Variants in FER1L6 observed in about 807,000 individuals in gnomAD.
FER1L6 encodes the protein fer-1-like protein 6.
FER1L6 carries 177 observed loss-of-function variants against 219.2 expected under a neutral mutation model. The observed-to-expected ratio is 0.81, with a 90% CI of 0.71 to 0.91. The LOEUF (loss-of-function observed/expected upper bound fraction) is 0.91, where lower values mean the gene tolerates loss of function less well. FER1L6 is among the 40% of genes least tolerant of loss of function. The pLI, the probability that FER1L6 is intolerant of heterozygous loss-of-function variation, is 0.00. For missense variants in FER1L6, 2,153 were observed against 2,259.9 expected (o/e 0.95, Z 0.96); for synonymous variants, 768 against 824.3 (o/e 0.93, Z 1.17).
intron 18 of FER1L6, among the ~76,000 whole-genome samples, chr8:124,033,344 C>T (rs568164694): frequency 2.6e-5 from 4 of 152,144 alleles, no homozygotes; most frequent in South Asian, 4.2e-4. Flanking sequence ...GCTTTCAATA[C>T]GTATTAATTT....
chr8:124,101,453 CA>C, intron 38 of FER1L6, 115 bp downstream of exon 38: 2 of 957,000 alleles, frequency 2.1e-6, no homozygotes, highest in Non-Finnish European at 3.0e-6. Flanking sequence ...TCTATGATAG[CA>C]AAAACCTGGA....
intron 17 of FER1L6, among the ~76,000 whole-genome samples, chr8:124,023,072 C>T (rs997371301): frequency 3.2e-4 from 49 of 152,116 alleles, no homozygotes; most frequent in African/African-American, 1.0e-3. Flanking sequence ...AGTGTCACTA[C>T]GCCCAGCTAA....
chr8:123,921,294 G>A (rs547593302), intron 1 of FER1L6, among the ~76,000 whole-genome samples: 25 of 152,198 alleles, frequency 1.6e-4, no homozygotes, highest in African/African-American at 3.6e-4. Flanking sequence ...ACCATTTTAC[G>A]TTCCTGCCAA....
chr8:124,067,839 G>C, intron 28 of FER1L6, 33 bp downstream of exon 28: 1 of 1,576,478 alleles, frequency 6.3e-7, no homozygotes, highest in Admixed American at 1.7e-5. Context: ...TTTGTCCATA[G>C]AATAGGGCCA....
At position 123,941,485 on chromosome 8, in the gene FER1L6, C is replaced by T. The variant is rs552318668; in HGVS notation, c.-7-14507C>T. 2.0e-5 allele frequency among the ~76,000 whole-genome samples: 3 copies of T among 152,238 alleles called. No homozygotes were observed. In the South Asian group the frequency reaches 6.2e-4, roughly 32 times the overall value. ...AAGGTGGTGTGGCCAGAGCAAACCA[C>T]AGGGATGCAGTAGGAGAGGAAGCAG... On this transcript the variant is annotated intron_variant, in intron 1 of 40. Transcript: ENST00000522917.
intron 2 of FER1L6, among the ~76,000 whole-genome samples, chr8:123,959,155 C>T (rs1462521683): frequency 1.3e-5 from 2 of 152,082 alleles, no homozygotes; most frequent in Non-Finnish European, 2.9e-5. Context: ...AGCAGTAACT[C>T]AATAAATTAG....
chr8:123,914,888 A>G (rs975601605), intron 1 of FER1L6, among the ~76,000 whole-genome samples: 3 of 152,180 alleles, frequency 2.0e-5, no homozygotes, highest in African/African-American at 7.2e-5. Context: ...ATGAGTAAAT[A>G]CATCTTCACT....
At chr8:123,875,507 T>C (rs1816992572) in intron 1 of FER1L6, among the ~76,000 whole-genome samples, 1 of 152,190 alleles carries the variant, frequency 6.6e-6, no homozygotes, top group Admixed American at 6.5e-5. Context: ...TATTTATCCT[T>C]TAAAGGGGCT....
chr8:124,033,035 A>G (rs1157470865), intron 18 of FER1L6, among the ~76,000 whole-genome samples: 2 of 152,190 alleles, frequency 1.3e-5, no homozygotes, highest in African/African-American at 4.8e-5. Flanking sequence ...ATAACCTATG[A>G]TTTGGTGATA....
chr8:124,114,882 A>AGT (rs1384171506), intron 39 of FER1L6, among the ~76,000 whole-genome samples: 2 of 118,862 alleles, frequency 1.7e-5, no homozygotes, highest in African/African-American at 3.1e-5. Flanking sequence ...ATATATATGC[A>AGT]GTGTGTGTGT....
intron 6 of FER1L6, among the ~76,000 whole-genome samples, chr8:123,972,032 C>T (rs2130265460): frequency 6.6e-6 from 1 of 152,340 alleles, no homozygotes; most frequent in East Asian, 1.9e-4. Flanking sequence ...GAGAAGAGAA[C>T]TTGAAACTGG....
rs1477534192 is a variant in FER1L6, at chr8:123,852,599, C to T, written c.-8+414C>T. Among the ~76,000 whole-genome samples, 2 of 151,922 alleles carry T rather than the reference C, an allele frequency of 1.3e-5. No individual in the cohort carries two copies. The highest frequency in any genetic ancestry group is 4.8e-5 in the African/African-American group (2 of 41,346). ...GACAAAAAGCATGAGGAAGTTGCCT[C>T]AGGAACTCATAGAAAATGTGGGGCC... On this transcript the variant is annotated intron_variant, in intron 1 of 40. Coordinates refer to ENST00000522917, the MANE Select transcript of FER1L6 (RefSeq NM_001039112.2). The surrounding 1 kb of genome is among the most constrained non-coding windows in gnomAD (Gnocchi z 4.9).
chr8:123,959,874 C>G (rs536219204), intron 2 of FER1L6, among the ~76,000 whole-genome samples: 1 of 151,982 alleles, frequency 6.6e-6, no homozygotes, highest in South Asian at 2.1e-4. Flanking sequence ...TACTGAAGTT[C>G]CATATCAAGT....
At chr8:123,875,732 T>C (rs542171461) in intron 1 of FER1L6, among the ~76,000 whole-genome samples, 6 of 152,332 alleles carry the variant, frequency 3.9e-5, no homozygotes, top group African/African-American at 1.2e-4. Flanking sequence ...CCCATATTAA[T>C]AAATGACAAC....
intron 1 of FER1L6, among the ~76,000 whole-genome samples, chr8:123,920,878 T>A (rs1031354890): frequency 2.0e-5 from 3 of 152,198 alleles, no homozygotes; most frequent in African/African-American, 7.2e-5. Context: ...CCGTTCTACT[T>A]TCTGTTTCTC....
chr8:123,954,731 T>C (rs1814934605), intron 1 of FER1L6, among the ~76,000 whole-genome samples: 1 of 152,162 alleles, frequency 6.6e-6, no homozygotes, highest in African/African-American at 2.4e-5. Context: ...AGTCCAACTG[T>C]GGAGGCTGAT....
chr8:123,970,311 G>C (rs191223274), intron 6 of FER1L6, among the ~76,000 whole-genome samples: 1 of 152,214 alleles, frequency 6.6e-6, no homozygotes, highest in East Asian at 1.9e-4. Context: ...CTTCTTGGAA[G>C]CAAGTGGTAA....
chr8:124,118,882 A>G lies in FER1L6; in HGVS notation c.5328A>G (p.Glu1776=). ...CTGAGTTCCACCTAGTTACAGCAGA[A>G]GAAGCTGAGAAAAATCCTGTTGGAA... ...VEAEFHLVTA[E]EAEKNPVGKA... is the part of the protein sequence containing the mutation. The change falls in exon 40 of 41, where the codon GAA becomes GAG. Residue 1776 remains glutamate, a synonymous_variant. Coordinates refer to ENST00000522917, the MANE Select transcript of FER1L6 (RefSeq NM_001039112.2). 2 of 1,614,064 alleles carry G rather than the reference A, an allele frequency of 1.2e-6. No homozygotes were observed. The highest frequency in any genetic ancestry group is 1.7e-6 in the Non-Finnish European group (2 of 1,179,950).
At chr8:123,931,647 G>T (rs187907193) in intron 1 of FER1L6, among the ~76,000 whole-genome samples, 1 of 152,210 alleles carries the variant, frequency 6.6e-6, no homozygotes, top group Non-Finnish European at 1.5e-5. Context: ...TTTCAAGGAT[G>T]AGATTGAACA....
Sources: gnomAD v4.1 joint callset for allele counts (sites outside exome capture counted in the v4.1 genomes callset) on GRCh38, gnomAD v4.1.1 for gene constraint, Gnocchi (gnomAD v3.1) non-coding constraint, MANE v1.5 for transcripts, NCBI Gene and HGNC (gene_info 2026-07-23, HGNC 2026-07-21) for gene names.